The following KCNN2 variants were observed in gnomAD, a reference collection of about 807,000 sequenced individuals.
The protein encoded by KCNN2 is potassium calcium-activated channel subfamily N member 2.
In KCNN2, 24 loss-of-function variants were observed where a neutral mutation model predicts 55.5. The ratio of observed to expected loss-of-function variants is 0.43; its 90% CI spans 0.31 to 0.61. KCNN2 has a LOEUF of 0.61. KCNN2 is among the 20% of genes least tolerant of loss of function. The pLI is 0.08. For missense variants in KCNN2, 754 were observed against 853.6 expected, an observed-to-expected ratio of 0.88 and a Z score of 1.45; for synonymous variants, 431 against 336.1, an observed-to-expected ratio of 1.28 and a Z score of -3.09.
At chr5:114,177,554 C>G (rs940691603) in intron 1 of KCNN2, among the ~76,000 whole-genome samples, 1 of 151,618 alleles carries the variant, frequency 6.6e-6, no homozygotes, top group African/African-American at 2.4e-5. Flanking sequence ...TTATTTCATA[C>G]AGTTGTTGGT....
At chr5:114,127,534 C>T (rs1751963947) in intron 1 of KCNN2, among the ~76,000 whole-genome samples, 1 of 152,130 alleles carries the variant, frequency 6.6e-6, no homozygotes, top group Non-Finnish European at 1.5e-5. Flanking sequence ...GAGCCCTCGG[C>T]CTGGCCTACA....
chr5:114,362,634 C>A lies in KCNN2; in HGVS notation c.495C>A (p.Pro165=). Reference sequence around the variant, plus strand: ...ACCACCAGTGCCACAGCCTGCAGCCCGCCGCCAGCCCCACGGGCAGCCTCG... The same window carrying A: ...ACCACCAGTGCCACAGCCTGCAGCCAGCCGCCAGCCCCACGGGCAGCCTCG... ...SQYHQCHSLQ[P]AASPTGSLGS... Residue 165 remains proline, a synonymous_variant, in exon 1 of 8, where the codon CCC becomes CCA. Transcript: ENST00000673685. The A allele has an allele frequency of 8.4e-7, 1 of 1,192,824 alleles. No homozygotes were observed. Among genetic ancestry groups the A allele is most frequent in the Non-Finnish European group, 1.1e-6 (1 of 883,336 alleles). The allele number at this position is 1,192,824 out of a possible 1,614,324, so 73.9% of individuals were successfully genotyped here.
chr5:114,462,944 C>A (rs1227324718), intron 3 of KCNN2, 105 bp from the exon 4 acceptor site: 1 of 1,024,316 alleles, frequency 9.8e-7, no homozygotes, highest in Non-Finnish European at 1.4e-6. Context: ...CTAAATATAG[C>A]AGTTTATAGA....
At chr5:114,144,907 A>G (rs1752366053) in intron 1 of KCNN2, among the ~76,000 whole-genome samples, 1 of 151,746 alleles carries the variant, frequency 6.6e-6, no homozygotes, top group Non-Finnish European at 1.5e-5. Context: ...CTTTGAATTG[A>G]CCTTTTGACG....
chr5:114,442,783 A>G (rs145420237), intron 3 of KCNN2, among the ~76,000 whole-genome samples: 1 of 152,278 alleles, frequency 6.6e-6, no homozygotes, highest in African/African-American at 2.4e-5. Flanking sequence ...ACTGTGGTGT[A>G]TAAAATTAAG....
At chr5:114,494,257 C>G (rs1324393965) in intron 7 of KCNN2, among the ~76,000 whole-genome samples, 1 of 22,722 alleles carries the variant, frequency 4.4e-5, no homozygotes, top group African/African-American at 5.3e-5. Flanking sequence ...ATCTTACAAA[C>G]TGTTTTTTTT....
intron 1 of KCNN2, among the ~76,000 whole-genome samples, chr5:114,098,888 G>C (rs1168179838): frequency 6.6e-6 from 1 of 152,060 alleles, no homozygotes; most frequent in Non-Finnish European, 1.5e-5. Context: ...TTTGGCTCCA[G>C]TCTAGAATCT....
intron 2 of KCNN2, among the ~76,000 whole-genome samples, chr5:114,289,603 C>G (rs185946067): frequency 6.6e-6 from 1 of 152,166 alleles, no homozygotes; most frequent in Admixed American, 6.6e-5. Flanking sequence ...TCTCAAACTC[C>G]TGACCTCAAG....
At chr5:114,242,466 AG>A (rs1279313617) in intron 2 of KCNN2, among the ~76,000 whole-genome samples, 1 of 152,230 alleles carries the variant, frequency 6.6e-6, no homozygotes, top group Non-Finnish European at 1.5e-5. Flanking sequence ...TTTATTTACA[AG>A]GATATTTATA....
intron 2 of KCNN2, among the ~76,000 whole-genome samples, chr5:114,253,042 C>T (rs921842397): frequency 1.3e-5 from 2 of 152,026 alleles, no homozygotes; most frequent in African/African-American, 4.8e-5. Context: ...GGGGTAGTAC[C>T]TCTTGAACAG....
At position 114,312,420 on chromosome 5, in the gene KCNN2, CACACACACACACACAT is replaced by C. The variant is rs1454559094; in HGVS notation, c.-184-48523_-184-48508del. On this transcript the variant is annotated intron_variant, in intron 2 of 10. Coordinates refer to the KCNN2 transcript ENST00000512097. ...ACACACACACACACACACACACACA[CACACACACACACACAT>C]ATATATATATATATATATATATATA... Among the ~76,000 whole-genome samples, 28 of 67,920 alleles carry C rather than the reference CACACACACACACACAT, an allele frequency of 4.1e-4. No individual in the cohort carries two copies. In the East Asian group the frequency reaches 4.2e-3, roughly 10 times the overall value. The allele number at this position is 67,920 out of a possible 152,430, so 44.6% of individuals were successfully genotyped here. A position where few individuals can be genotyped will look rare whatever the true frequency, so the allele number is the denominator to read the frequency against.
chr5:114,309,752 T>C (rs142753677), intron 2 of KCNN2, among the ~76,000 whole-genome samples: 13 of 152,198 alleles, frequency 8.5e-5, no homozygotes, highest in African/African-American at 3.1e-4. Context: ...AATATGAGTA[T>C]GATGAATGCC....
At chr5:114,352,409 T>C in intron 2 of KCNN2, among the ~76,000 whole-genome samples, 1 of 150,098 alleles carries the variant, frequency 6.7e-6, no homozygotes, top group East Asian at 2.0e-4. Context: ...GTTCTGTTTT[T>C]TATTGCCATT....
intron 1 of KCNN2, among the ~76,000 whole-genome samples, chr5:114,205,731 C>A (rs1466341315): frequency 1.3e-5 from 2 of 152,164 alleles, no homozygotes; most frequent in Non-Finnish European, 2.9e-5. Flanking sequence ...TCACCTAAGG[C>A]TACAACATCT....
At chr5:114,162,823 G>T (rs1032786397) in intron 1 of KCNN2, among the ~76,000 whole-genome samples, 4 of 152,116 alleles carry the variant, frequency 2.6e-5, no homozygotes, top group African/African-American at 9.7e-5. Context: ...ATAATCTCCT[G>T]GTGTGCCGTT....
intron 5 of KCNN2, among the ~76,000 whole-genome samples, chr5:114,480,301 A>T (rs1354797321): frequency 6.6e-6 from 1 of 152,158 alleles, no homozygotes; most frequent in Non-Finnish European, 1.5e-5. Flanking sequence ...CCCTCCTACG[A>T]CCGAACCAAG....
chr5:114,401,642 A>C (rs1461713614), intron 2 of KCNN2, among the ~76,000 whole-genome samples: 2 of 152,216 alleles, frequency 1.3e-5, no homozygotes, highest in Non-Finnish European at 2.9e-5. Flanking sequence ...GGGAGTTTCC[A>C]GATTTTTACA....
chr5:114,373,657 T>TATATATATATATATATAA (rs1175218618), intron 2 of KCNN2, among the ~76,000 whole-genome samples: 4 of 117,640 alleles, frequency 3.4e-5, no homozygotes, highest in African/African-American at 1.2e-4. Context: ...TATATATATA[T>TATATATATATATATATAA]AAAATTACTT....
rs149536371 is a variant in KCNN2, at chr5:114,118,848, C to G, written c.-271+62348C>G. 9.6e-3 allele frequency among the ~76,000 whole-genome samples: 1,455 copies of G among 152,176 alleles called. 9 individuals are homozygous for G. Among genetic ancestry groups the G allele is most frequent in the Non-Finnish European group, 0.015 (1,039 of 67,992 alleles). On this transcript the variant is annotated intron_variant, in intron 1 of 10. Coordinates refer to the KCNN2 transcript ENST00000512097. ...GCTGATGATGTCCTTCTCACTTTTC[C>G]TCACTCAGGAACAACTGAAACAGGT...
Sources: gnomAD v4.1 joint callset for allele counts (sites outside exome capture counted in the v4.1 genomes callset) on GRCh38, gnomAD v4.1.1 for gene constraint, MANE v1.5 for transcripts, NCBI Gene and HGNC (gene_info 2026-07-23, HGNC 2026-07-21) for gene names.